Variants in STAG2 observed in about 807,000 individuals in gnomAD.
STAG2 encodes cohesin subunit SA-2.
In STAG2, 14 loss-of-function variants were observed where a neutral mutation model predicts 108.1. The observed-to-expected ratio is 0.13, with a 90% CI of 0.09 to 0.20. The LOEUF is 0.20. Ranked by LOEUF, STAG2 falls within the 10% of genes least tolerant of loss-of-function variation. STAG2 has a pLI of 1.00. For synonymous variants in STAG2, 307 were observed against 302.7 expected (o/e 1.01, Z -0.15); for missense variants, 440 against 940.9 (o/e 0.47, Z 6.96).
intron 1 of STAG2, among the ~76,000 whole-genome samples, chrX:123,983,222 T>C (rs1211262828): frequency 9.1e-6 from 1 of 109,303 alleles, no homozygotes; most frequent in Non-Finnish European, 1.9e-5. Flanking sequence ...TTTTAGTAAA[T>C]TACTGGCACT....
chrX:123,995,100 T>A (rs2055668812), intron 1 of STAG2, among the ~76,000 whole-genome samples: 1 of 111,620 alleles, frequency 9.0e-6, no homozygotes, highest in Non-Finnish European at 1.9e-5. Flanking sequence ...CGGTAGGTCG[T>A]GCATCAAAGA....
intron 13 of STAG2, among the ~76,000 whole-genome samples, chrX:124,053,179 T>A (rs1323961468): frequency 8.9e-6 from 1 of 112,382 alleles, no homozygotes; most frequent in African/African-American, 3.2e-5. Context: ...GATAAATATT[T>A]ATCAAGTGAT....
intron 6 of STAG2, among the ~76,000 whole-genome samples, chrX:124,041,476 G>GA (rs1002034971): frequency 9.1e-6 from 1 of 110,255 alleles, no homozygotes; most frequent in African/African-American, 3.3e-5. Flanking sequence ...CTGGTCAATT[G>GA]AAAAAAATCT....
chrX:123,972,162 AGACTT>A (rs1293550300), intron 1 of STAG2, among the ~76,000 whole-genome samples: 16 of 109,050 alleles, frequency 1.5e-4, no homozygotes, highest in African/African-American at 5.0e-4. Context: ...GATCTTAAGG[AGACTT>A]CCAGTTTTGT....
At chrX:123,961,307 C>CT (rs1338016028), upstream of STAG2, 2 of 109,295 alleles carry the variant, frequency 1.8e-5, no homozygotes, top group African/African-American at 6.7e-5. Context: ...AGACCCCCCC[C>CT]CCCCATGGGT....
chrX:124,029,059 C>T (rs1473587893), intron 4 of STAG2, among the ~76,000 whole-genome samples: 1 of 104,832 alleles, frequency 9.5e-6, no homozygotes, highest in Non-Finnish European at 1.9e-5. Context: ...CTCTGTCGCC[C>T]AGGCTGGAGT....
intron 4 of STAG2, 100 bp downstream of exon 4, chrX:124,026,018 T>C: frequency 3.4e-6 from 2 of 595,649 alleles, no homozygotes; most frequent in Non-Finnish European, 5.2e-6. Flanking sequence ...AAAATGGCTT[T>C]TTAAGGGGGT....
Position 123,975,519 on chromosome X carries a change from A to G in STAG2, c.-163+13663A>G, listed in dbSNP as rs57579080. Among the ~76,000 whole-genome samples, 1,041 of 111,966 alleles carry G rather than the reference A, an allele frequency of 9.3e-3. 15 individuals are homozygous for G. The highest frequency in any genetic ancestry group is 0.031 in the African/African-American group (966 of 30,819). ...CTCTTGTTGCCCAGGCTGGAGTGCA[A>G]TGGCGTGATCTCAGCTCACCGGCAA... is the stretch of plus-strand genomic sequence containing the variant. On this transcript the variant is annotated intron_variant, in intron 1 of 34. Transcript: ENST00000371145.
At chrX:124,035,782 G>C (rs1361221147) in intron 5 of STAG2, among the ~76,000 whole-genome samples, 1 of 112,041 alleles carries the variant, frequency 8.9e-6, no homozygotes, top group Non-Finnish European at 1.9e-5. Context: ...TTACAGTATG[G>C]CGTCTGGGTT....
intron 1 of STAG2, among the ~76,000 whole-genome samples, chrX:123,971,293 G>A (rs910116150): frequency 3.6e-5 from 4 of 111,591 alleles, no homozygotes; most frequent in African/African-American, 1.3e-4. Flanking sequence ...GCCAGGTGTG[G>A]TGGCATGTGC....
At chrX:123,986,659 T>C (rs1050321271) in intron 1 of STAG2, among the ~76,000 whole-genome samples, 21 of 111,609 alleles carry the variant, frequency 1.9e-4, no homozygotes, top group African/African-American at 6.8e-4. Context: ...GTGTCTGACA[T>C]AGAATGTGCT....
Position 124,057,918 on chromosome X carries a change from A to G in STAG2, c.1357A>G (p.Arg453Gly). Residue 453 changes from arginine to glycine, a missense_variant, in exon 15 of 35, where the codon AGA becomes GGA. By Grantham distance (125) the Arg-to-Gly change is moderately radical. Transcript: ENST00000371145. ...GGATGGAATGATGAAAAGAAGAGGA[A>G]GACAAGGTCCAAATGCCAACCTTGT... ...EEDGMMKRRGRQGPNANLVKT... is the reference protein window; with the variant it reads ...EEDGMMKRRGGQGPNANLVKT... 1 of 1,193,992 alleles carries G rather than the reference A, an allele frequency of 8.4e-7. No homozygotes were observed. The highest frequency in any genetic ancestry group is 1.1e-6 in the Non-Finnish European group (1 of 886,788).
At chrX:124,014,959 G>A (rs2056653181) in intron 1 of STAG2, among the ~76,000 whole-genome samples, 1 of 98,013 alleles carries the variant, frequency 1.0e-5, no homozygotes, top group Non-Finnish European at 2.0e-5. Context: ...CATGATCATT[G>A]CTTAGTTTGA....
At chrX:123,976,310 AAAAG>A (rs1200218450) in intron 1 of STAG2, among the ~76,000 whole-genome samples, 35 of 112,338 alleles carry the variant, frequency 3.1e-4, no homozygotes, top group Middle Eastern at 4.6e-3. Context: ...TAAATTTTAA[AAAAG>A]AAAGATTTGT....
chrX:123,968,687 A>G (rs1489319255), intron 1 of STAG2, among the ~76,000 whole-genome samples: 15 of 112,152 alleles, frequency 1.3e-4, no homozygotes, highest in Admixed American at 1.3e-3. Flanking sequence ...TCTGTTGTAC[A>G]TCGTTCAAGG....
chrX:124,077,856 A>G, intron 26 of STAG2, 101 bp from the exon 27 acceptor site: 1 of 475,230 alleles, frequency 2.1e-6, no homozygotes, highest in East Asian at 4.3e-5. Context: ...TTTTGGCTAA[A>G]TACATACTTT....
At chrX:124,089,023 C>G (rs2059187694) in intron 30 of STAG2, among the ~76,000 whole-genome samples, 1 of 104,787 alleles carries the variant, frequency 9.5e-6, no homozygotes, top group Admixed American at 1.1e-4. Flanking sequence ...TGAAGCAATT[C>G]TCTTGCCTCA....
At chrX:124,030,872 A>G (rs771643210) in intron 4 of STAG2, 89 bp from the exon 5 acceptor site, 1 of 965,494 alleles carries the variant, frequency 1.0e-6, no homozygotes, top group East Asian at 3.3e-5. Flanking sequence ...TAAGCATGTT[A>G]TGTACCCTAT....
At chrX:124,072,883 T>G (rs1278855182) in intron 25 of STAG2, among the ~76,000 whole-genome samples, 1 of 93,362 alleles carries the variant, frequency 1.1e-5, no homozygotes, top group African/African-American at 4.2e-5. Flanking sequence ...CTTTTTTTTT[T>G]CTTTCTTTCT....
Sources: allele counts gnomAD v4.1 joint callset (sites outside exome capture counted in the v4.1 genomes callset), GRCh38; gene constraint gnomAD v4.1.1; transcripts MANE v1.5; gene names NCBI Gene and HGNC (gene_info 2026-07-23, HGNC 2026-07-21).